Variants in MBNL2 observed in about 807,000 individuals in gnomAD.
The protein encoded by MBNL2 is muscleblind like splicing regulator 2.
MBNL2 carries 17 observed loss-of-function variants against 41.9 expected under a neutral mutation model. The observed-to-expected ratio is 0.41, with a 90% confidence interval of 0.28 to 0.61. MBNL2 has a LOEUF of 0.61. Among genes scored for constraint, MBNL2 ranks in the 20% least tolerant of loss-of-function variants. The pLI is 0.35. For synonymous variants in MBNL2, 195 were observed against 182.9 expected, an observed-to-expected ratio of 1.07 and a Z score of -0.53; for missense variants, 336 against 505.6, an observed-to-expected ratio of 0.66 and a Z score of 3.22.
chr13:97,380,496 C>A (rs9284176), intron 8 of MBNL2, among the ~76,000 whole-genome samples: 82,387 of 121,032 alleles, frequency 0.68, 24,239 homozygotes, highest in African/African-American at 0.83. Context: ...TCTAGCAAAA[C>A]CAAACAAACA....
intron 2 of MBNL2, among the ~76,000 whole-genome samples, chr13:97,292,571 AT>A (rs2056343049): frequency 2.0e-5 from 3 of 152,062 alleles, no homozygotes; most frequent in South Asian, 4.1e-4. Flanking sequence ...TTTTAGAATT[AT>A]TTTTTATTTC....
intron 2 of MBNL2, among the ~76,000 whole-genome samples, chr13:97,289,200 A>G (rs1202529250): frequency 6.6e-6 from 1 of 152,222 alleles, no homozygotes; most frequent in East Asian, 1.9e-4. Flanking sequence ...ATCAATCTTA[A>G]TATAAAAACT....
the MBNL2 span, among the ~76,000 whole-genome samples, chr13:97,192,887 A>T: frequency 6.6e-6 from 1 of 152,384 alleles, no homozygotes; most frequent in Non-Finnish European, 1.5e-5. Flanking sequence ...CCGAAGGCTG[A>T]AACAAACCCA....
chr13:97,243,942 A>C (rs910054632), intron 1 of MBNL2, among the ~76,000 whole-genome samples: 2 of 152,180 alleles, frequency 1.3e-5, no homozygotes, highest in African/African-American at 4.8e-5. Context: ...GGGCTTCTAC[A>C]TGTTCTCCCT....
intron 2 of MBNL2, among the ~76,000 whole-genome samples, chr13:97,320,922 A>G (rs1469619791): frequency 1.3e-5 from 2 of 152,060 alleles, no homozygotes; most frequent in African/African-American, 2.4e-5. Flanking sequence ...CTTAAAAACA[A>G]AAAGATAGCC....
chr13:97,286,414 T>C (rs1056993360), intron 2 of MBNL2, among the ~76,000 whole-genome samples: 1 of 152,180 alleles, frequency 6.6e-6, no homozygotes, highest in African/African-American at 2.4e-5. Flanking sequence ...AGAGCACTTT[T>C]CATCACTTCT....
intron 1 of MBNL2, among the ~76,000 whole-genome samples, chr13:97,264,013 CT>C (rs71117637): frequency 0.13 from 17,773 of 134,932 alleles, 1,793 homozygotes; most frequent in African/African-American, 0.31. Flanking sequence ...TATTCTTTTT[CT>C]TTTTTTTTTT....
At chr13:97,245,468 G>A (rs751288772) in intron 1 of MBNL2, among the ~76,000 whole-genome samples, 6 of 152,164 alleles carry the variant, frequency 3.9e-5, no homozygotes, top group Admixed American at 6.5e-5. Flanking sequence ...TTCTCCCTAC[G>A]AAAGCGTAAT....
the MBNL2 span, among the ~76,000 whole-genome samples, chr13:97,200,419 C>T: frequency 6.6e-6 from 1 of 152,202 alleles, no homozygotes; most frequent in African/African-American, 2.4e-5. Flanking sequence ...CAAGTACTAA[C>T]CCAGAACCAT....
chr13:97,329,635 C>T (rs1245053914), intron 2 of MBNL2, among the ~76,000 whole-genome samples: 1 of 116,662 alleles, frequency 8.6e-6, no homozygotes, highest in Non-Finnish European at 1.8e-5. Flanking sequence ...ACTAGACACA[C>T]AACACACACA....
intron 7 of MBNL2, among the ~76,000 whole-genome samples, chr13:97,358,979 G>T (rs1033971979): frequency 6.6e-6 from 1 of 152,148 alleles, no homozygotes; most frequent in Non-Finnish European, 1.5e-5. Flanking sequence ...AATTATGTGA[G>T]CAAAGTGGTT....
chr13:97,284,026 G>A (rs1478637545), intron 2 of MBNL2, among the ~76,000 whole-genome samples: 1 of 152,180 alleles, frequency 6.6e-6, no homozygotes, highest in Non-Finnish European at 1.5e-5. Context: ...GCATCCTCCA[G>A]CAAGATGCCT....
intron 2 of MBNL2, among the ~76,000 whole-genome samples, chr13:97,302,480 A>G (rs995926161): frequency 1.3e-5 from 2 of 152,206 alleles, no homozygotes; most frequent in Admixed American, 6.5e-5. Context: ...TAATCTGGTA[A>G]TCTAGAGTGG....
intron 1 of MBNL2, among the ~76,000 whole-genome samples, chr13:97,272,954 C>T (rs1309430653): frequency 6.6e-6 from 1 of 152,028 alleles, no homozygotes; most frequent in African/African-American, 2.4e-5. Flanking sequence ...ATATTTCTTC[C>T]AGGGGGAATG....
chr13:97,166,837 T>TAGATAGATAGAAAGAAAGAA, the MBNL2 span, among the ~76,000 whole-genome samples: 1,374 of 143,376 alleles, frequency 9.6e-3, 6 homozygotes, highest in East Asian at 0.016. Flanking sequence ...GATAGATAGA[T>TAGATAGATAGAAAGAAAGAA]AGAAAGATAG....
At chr13:97,368,886 A>G (rs910294697) in intron 8 of MBNL2, among the ~76,000 whole-genome samples, 1 of 152,314 alleles carries the variant, frequency 6.6e-6, no homozygotes, top group South Asian at 2.1e-4. Context: ...TCTGATTTCA[A>G]TTTAATCCAA....
Position 97,226,928 on chromosome 13 carries a change from G to A in MBNL2, c.-605+4397G>A, listed in dbSNP as rs147286903. ...CTGTCCCACACTTCTGAGCTGCAGGGTGTGGGGGAAGCCCCATGCCTTTAT... is the reference window on the plus strand; with the variant it reads ...CTGTCCCACACTTCTGAGCTGCAGGATGTGGGGGAAGCCCCATGCCTTTAT... On this transcript the variant is annotated intron_variant, in intron 1 of 8. Coordinates refer to ENST00000679496, the MANE Select transcript of MBNL2 (RefSeq NM_001382683.1). Among the ~76,000 whole-genome samples the A allele has an allele frequency of 6.2e-4, 94 of 152,128 alleles. 4 individuals carry two copies. In the South Asian group the frequency reaches 0.015, roughly 24 times the overall value.
intron 2 of MBNL2, among the ~76,000 whole-genome samples, chr13:97,281,170 A>G (rs1488750984): frequency 6.6e-6 from 1 of 152,190 alleles, no homozygotes; most frequent in Non-Finnish European, 1.5e-5. Flanking sequence ...TCATCAGGAA[A>G]GTTTTCAAGC....
At chr13:97,174,370 C>G in the MBNL2 span, among the ~76,000 whole-genome samples, 5 of 152,188 alleles carry the variant, frequency 3.3e-5, no homozygotes, top group Non-Finnish European at 7.3e-5. Flanking sequence ...CTTACCTCTA[C>G]TCGCTCCTCC....
Sources: gnomAD v4.1 joint callset for allele counts (sites outside exome capture counted in the v4.1 genomes callset) on GRCh38, gnomAD v4.1.1 for gene constraint, MANE v1.5 for transcripts, NCBI Gene and HGNC (gene_info 2026-07-23, HGNC 2026-07-21) for gene names.